NEGR1: variants seen among roughly 807,000 people sequenced by gnomAD.
NEGR1 encodes IgLON family member 4.
Under a neutral mutation model 40.9 loss-of-function variants are expected in NEGR1, and 10 were observed. That is an observed-to-expected ratio of 0.24 (90% CI 0.15 to 0.42). The LOEUF (loss-of-function observed/expected upper bound fraction) is 0.42. NEGR1 is among the 10% of genes least tolerant of loss of function. NEGR1 has a pLI of 1.00. For missense variants in NEGR1, 352 were observed against 438.9 expected (o/e 0.80, Z 1.77); for synonymous variants, 185 against 166.8 (o/e 1.11, Z -0.84).
rs538270769 is a variant in NEGR1, at chr1:71,687,629, G to A, written c.667+10379C>T. On this transcript the variant is annotated intron_variant, in intron 4 of 6. Coordinates refer to ENST00000357731, the MANE Select transcript of NEGR1 (RefSeq NM_173808.3). ...CTATTCACTGGGAATCCTAACTTCCGTGGTTCTGCACTTTATTTCAGTGTC... is the reference window on the plus strand; with the variant it reads ...CTATTCACTGGGAATCCTAACTTCCATGGTTCTGCACTTTATTTCAGTGTC... Among the ~76,000 whole-genome samples the A allele has an allele frequency of 3.3e-5, 5 of 152,272 alleles. No homozygotes were observed. In the East Asian group the frequency reaches 5.8e-4, roughly 18 times the overall value.
At chr1:71,785,797 G>A (rs1557651806) in intron 2 of NEGR1, among the ~76,000 whole-genome samples, 3 of 152,108 alleles carry the variant, frequency 2.0e-5, no homozygotes, top group South Asian at 4.1e-4. Flanking sequence ...GAAAACATGA[G>A]AGAACCCAAT....
intron 6 of NEGR1, among the ~76,000 whole-genome samples, chr1:71,584,953 C>T (rs1019350354): frequency 6.6e-6 from 1 of 152,042 alleles, no homozygotes; most frequent in Non-Finnish European, 1.5e-5. Flanking sequence ...ATTCTAGTGC[C>T]TTTTTCATAG....
intron 1 of NEGR1, among the ~76,000 whole-genome samples, chr1:72,277,488 G>A (rs893296911): frequency 6.6e-6 from 1 of 151,806 alleles, no homozygotes; most frequent in African/African-American, 2.4e-5. Flanking sequence ...TAAAAAGATC[G>A]GGCAAAATAC....
intron 1 of NEGR1, among the ~76,000 whole-genome samples, chr1:72,101,315 CAGTAGGAAAAGA>C (rs1182230643): frequency 3.3e-5 from 5 of 152,030 alleles, no homozygotes; most frequent in Non-Finnish European, 7.4e-5. Context: ...AATAATTACC[CAGTAGGAAAAGA>C]ACTATTGAGC....
At chr1:71,547,139 T>A (rs1647925434) in intron 6 of NEGR1, among the ~76,000 whole-genome samples, 1 of 151,794 alleles carries the variant, frequency 6.6e-6, no homozygotes, top group Non-Finnish European at 1.5e-5. Flanking sequence ...AAAGTTTTGA[T>A]GTTTTTGTTT....
At chr1:71,970,936 A>G (rs1646251348) in intron 1 of NEGR1, among the ~76,000 whole-genome samples, 1 of 152,170 alleles carries the variant, frequency 6.6e-6, no homozygotes, top group Non-Finnish European at 1.5e-5. Context: ...CCAAAATTTA[A>G]TTTGACTCAA....
chr1:72,219,594 CTGTCTA>C (rs1653944043), intron 1 of NEGR1, among the ~76,000 whole-genome samples: 1 of 152,012 alleles, frequency 6.6e-6, no homozygotes. Flanking sequence ...AGAAAGTTGT[CTGTCTA>C]TAACTAATAC....
intron 1 of NEGR1, among the ~76,000 whole-genome samples, chr1:72,119,147 C>T (rs1365372999): frequency 3.3e-5 from 5 of 151,878 alleles, no homozygotes; most frequent in Non-Finnish European, 7.4e-5. Context: ...ACATTTCTTG[C>T]ATTACTACTA....
At chr1:72,231,890 G>A (rs1341388184) in intron 1 of NEGR1, among the ~76,000 whole-genome samples, 3 of 152,108 alleles carry the variant, frequency 2.0e-5, no homozygotes, top group South Asian at 2.1e-4. Flanking sequence ...AATTTGGTAA[G>A]GTCTTCAGAA....
At chr1:71,695,192 C>A (rs1458626634) in intron 4 of NEGR1, among the ~76,000 whole-genome samples, 2 of 151,740 alleles carry the variant, frequency 1.3e-5, no homozygotes, top group East Asian at 3.9e-4. Flanking sequence ...TCCCTTCACA[C>A]CTGAGATATC....
At chr1:72,233,494 T>C (rs1346061808) in intron 1 of NEGR1, among the ~76,000 whole-genome samples, 1 of 152,058 alleles carries the variant, frequency 6.6e-6, no homozygotes, top group Admixed American at 6.6e-5. Flanking sequence ...CCTGTCTTTA[T>C]GCTATGTGTA....
chr1:72,207,295 C>T (rs572129556), intron 1 of NEGR1, among the ~76,000 whole-genome samples: 2 of 151,664 alleles, frequency 1.3e-5, no homozygotes, highest in Non-Finnish European at 3.0e-5. Flanking sequence ...AGTGCATACT[C>T]AAAGAATTTA....
intron 1 of NEGR1, among the ~76,000 whole-genome samples, chr1:71,940,220 C>A (rs1376595451): frequency 6.6e-6 from 1 of 152,068 alleles, no homozygotes; most frequent in Non-Finnish European, 1.5e-5. Context: ...GAAATATAGA[C>A]AATGAAATAA....
At chr1:71,934,989 T>C in intron 2 of NEGR1, 90 bp downstream of exon 2, 2 of 736,640 alleles carry the variant, frequency 2.7e-6, no homozygotes, top group Non-Finnish European at 4.6e-6. Flanking sequence ...ATTTCAACAT[T>C]GTTAACTGCT....
At chr1:71,589,811 T>C (rs937272835) in intron 6 of NEGR1, among the ~76,000 whole-genome samples, 2 of 152,080 alleles carry the variant, frequency 1.3e-5, no homozygotes, top group Non-Finnish European at 2.9e-5. Context: ...TAAGAGTGTC[T>C]TTTGGAAACC....
At chr1:72,026,385 T>C (rs1156935964) in intron 1 of NEGR1, among the ~76,000 whole-genome samples, 2 of 151,748 alleles carry the variant, frequency 1.3e-5, no homozygotes, top group Non-Finnish European at 1.5e-5. Context: ...TTTTTTTTTT[T>C]TCTCCAAAGG....
intron 1 of NEGR1, among the ~76,000 whole-genome samples, chr1:71,947,848 A>G (rs920927778): frequency 1.1e-4 from 17 of 152,128 alleles, no homozygotes; most frequent in African/African-American, 4.1e-4. Flanking sequence ...AGTCCTTGGA[A>G]AGTCATCATG....
intron 1 of NEGR1, among the ~76,000 whole-genome samples, chr1:72,015,805 C>G (rs1646704767): frequency 6.6e-6 from 1 of 152,132 alleles, no homozygotes; most frequent in African/African-American, 2.4e-5. Flanking sequence ...GGGTCTAAAA[C>G]CCCTCATGGC....
intron 1 of NEGR1, among the ~76,000 whole-genome samples, chr1:72,161,660 T>TTTTC (rs1180219113): frequency 1.8e-4 from 27 of 146,878 alleles, no homozygotes; most frequent in East Asian, 4.0e-4. Context: ...ATTATTTATT[T>TTTTC]TTTCTTTCTT....
Sources: allele counts gnomAD v4.1 joint callset (sites outside exome capture counted in the v4.1 genomes callset), GRCh38; gene constraint gnomAD v4.1.1; transcripts MANE v1.5; gene names NCBI Gene and HGNC (gene_info 2026-07-23, HGNC 2026-07-21).